VAMP7: variants seen among roughly 807,000 people sequenced by gnomAD.
VAMP7 encodes the protein vesicle associated membrane protein 7, also known as vesicle-associated membrane protein 7.
VAMP7 carries 14 observed loss-of-function variants against 29.6 expected under a neutral mutation model. That is an observed-to-expected ratio of 0.47 (90% CI 0.31 to 0.74). VAMP7 has a LOEUF of 0.74. Among genes scored for constraint, VAMP7 ranks in the 30% least tolerant of loss-of-function variants. The pLI is 0.05. For synonymous variants in VAMP7, 95 were observed against 88.1 expected, an observed-to-expected ratio of 1.08 and a Z score of -0.44; for missense variants, 223 against 262.4, an observed-to-expected ratio of 0.85 and a Z score of 1.04.
At chrX:155,925,442 C>G (rs1220641681) in intron 6 of VAMP7, among the ~76,000 whole-genome samples, 1 of 152,168 alleles carries the variant, frequency 6.6e-6, no homozygotes, top group Non-Finnish European at 1.5e-5. Flanking sequence ...TGAGACAGGT[C>G]TCAGTTGATT....
intron 3 of VAMP7, among the ~76,000 whole-genome samples, chrX:155,896,431 T>C (rs1398666903): frequency 1.3e-5 from 2 of 152,220 alleles, no homozygotes; most frequent in African/African-American, 4.8e-5. Flanking sequence ...CAATACATTA[T>C]GATCAGCTAT....
chrX:155,909,189 C>T (rs1361927335), intron 5 of VAMP7, among the ~76,000 whole-genome samples: 1 of 152,040 alleles, frequency 6.6e-6, no homozygotes, highest in Non-Finnish European at 1.5e-5. Context: ...TTTTTTATTT[C>T]TTCTTGAGTC....
intron 6 of VAMP7, among the ~76,000 whole-genome samples, chrX:155,933,391 G>A (rs1181697034): frequency 6.6e-6 from 1 of 152,076 alleles, no homozygotes; most frequent in Non-Finnish European, 1.5e-5. Context: ...GCCTGTTATT[G>A]GTCTATTCAG....
chrX:155,915,302 T>G (rs1299584080), intron 5 of VAMP7, among the ~76,000 whole-genome samples: 1 of 152,120 alleles, frequency 6.6e-6, no homozygotes, highest in African/African-American at 2.4e-5. Flanking sequence ...GTTAATCTTT[T>G]CAAAAAACCA....
chrX:155,935,565 A>G (rs969121208), intron 6 of VAMP7, among the ~76,000 whole-genome samples: 1 of 151,874 alleles, frequency 6.6e-6, no homozygotes, highest in African/African-American at 2.4e-5. Flanking sequence ...TCATTTAAGG[A>G]CTTGTCTACA....
intron 1 of VAMP7, among the ~76,000 whole-genome samples, chrX:155,886,861 C>T (rs748373494): frequency 1.3e-5 from 2 of 152,286 alleles, no homozygotes; most frequent in South Asian, 4.2e-4. Context: ...AACTTACAGT[C>T]CACTGAAACA....
intron 5 of VAMP7, among the ~76,000 whole-genome samples, chrX:155,902,925 A>G (rs1393224283): frequency 6.6e-6 from 1 of 151,272 alleles, no homozygotes; most frequent in Non-Finnish European, 1.5e-5. Flanking sequence ...TATTGATTGG[A>G]ATAGTTTCAG....
At position 155,905,753 on chromosome X, in the gene VAMP7, G is replaced by A. The variant is rs372203140; in HGVS notation, c.433+5166G>A. On this transcript the variant is annotated intron_variant, in intron 5 of 7. Transcript: ENST00000286448. The stretch of plus-strand genomic sequence containing the variant: ...GTTTCTGGACCTTCAGTTCTGTTCA[G>A]TTTATCTTTATGCCAGTACCAGGCT... 1.9e-3 allele frequency among the ~76,000 whole-genome samples: 287 copies of A among 152,222 alleles called. 2 individuals are homozygous for A. Among genetic ancestry groups the A allele is most frequent in the African/African-American group, 6.6e-3 (273 of 41,548 alleles).
intron 6 of VAMP7, among the ~76,000 whole-genome samples, chrX:155,934,298 G>T (rs1003883277): frequency 1.3e-5 from 2 of 152,044 alleles, no homozygotes; most frequent in Non-Finnish European, 2.9e-5. Flanking sequence ...TTGACAGTGG[G>T]GTGTTAAAGT....
At position 155,903,036 on chromosome X, in the gene VAMP7, A is replaced by T. The variant is rs908310926; in HGVS notation, c.433+2449A>T. On this transcript the variant is annotated intron_variant, in intron 5 of 7. Transcript: ENST00000286448. ...GGTTGGTAAGCTATTGATTATTGCC[A>T]CAATTTCAGAGCCTGTTATTGGTCT... Among the ~76,000 whole-genome samples, 4 of 151,856 alleles carry T rather than the reference A, an allele frequency of 2.6e-5. No individual in the cohort carries two copies. In the South Asian group the frequency reaches 8.3e-4, roughly 32 times the overall value.
chrX:155,924,003 T>A (rs1284144069), intron 6 of VAMP7, among the ~76,000 whole-genome samples: 3 of 152,166 alleles, frequency 2.0e-5, no homozygotes. Context: ...ACCTTGAGTA[T>A]ATGAAGTATA....
chrX:155,914,152 GCT>G (rs1175071108), intron 5 of VAMP7, among the ~76,000 whole-genome samples: 2 of 151,924 alleles, frequency 1.3e-5, no homozygotes, highest in African/African-American at 4.8e-5. Context: ...TCATGATTTG[GCT>G]CTCTGTTTGT....
Position 155,919,992 on chromosome X carries a change from C to G in VAMP7, c.501+112C>G, listed in dbSNP as rs770566804. ...TTCAAATATTTGGTGGTTTTTTTTT[C>G]TTTCTCATTTCCATTATGTGATTAC... is the stretch of plus-strand genomic sequence containing the variant. On this transcript the variant is annotated intron_variant, in intron 6 of 7. Transcript: ENST00000286448. The G allele has an allele frequency of 5.8e-6, 5 of 863,020 alleles. No individual in the cohort carries two copies. In the African/African-American group the frequency reaches 6.9e-5, roughly 12 times the overall value. The allele number at this position is 863,020 out of a possible 1,614,324, so 53.5% of individuals were successfully genotyped here.
At chrX:155,901,140 C>T (rs2066055849) in intron 5 of VAMP7, among the ~76,000 whole-genome samples, 1 of 151,956 alleles carries the variant, frequency 6.6e-6, no homozygotes, top group Non-Finnish European at 1.5e-5. Context: ...ACAGTAGTAA[C>T]CATACTGTTA....
chrX:155,932,952 T>G (rs988574906), intron 6 of VAMP7, among the ~76,000 whole-genome samples: 127 of 152,286 alleles, frequency 8.3e-4, no homozygotes, highest in Admixed American at 1.9e-3. Context: ...CTGCATCTAT[T>G]GAGATGATCG....
intron 5 of VAMP7, among the ~76,000 whole-genome samples, chrX:155,905,624 A>T (rs1159115954): frequency 2.6e-5 from 4 of 152,162 alleles, no homozygotes; most frequent in Non-Finnish European, 4.4e-5. Flanking sequence ...TTGAATATGT[A>T]TATACAGTTG....
chrX:155,882,607 T>C (rs1164219072), intron 1 of VAMP7, among the ~76,000 whole-genome samples: 3 of 152,198 alleles, frequency 2.0e-5, no homozygotes, highest in Non-Finnish European at 2.9e-5. Context: ...AGTTGGTTTA[T>C]TCCTTCTAAG....
At chrX:155,902,096 T>C (rs1157141052) in intron 5 of VAMP7, among the ~76,000 whole-genome samples, 1 of 152,192 alleles carries the variant, frequency 6.6e-6, no homozygotes, top group Non-Finnish European at 1.5e-5. Context: ...ACATCCCTTG[T>C]AAGTTGGATT....
intron 6 of VAMP7, among the ~76,000 whole-genome samples, 171 bp downstream of exon 6, chrX:155,920,051 A>G (rs1050292240): frequency 2.6e-5 from 4 of 152,212 alleles, no homozygotes; most frequent in African/African-American, 9.6e-5. Flanking sequence ...GAGGCATAGA[A>G]AAGAAACATC....
Sources: allele counts gnomAD v4.1 joint callset (sites outside exome capture counted in the v4.1 genomes callset), GRCh38; gene constraint gnomAD v4.1.1; transcripts MANE v1.5; gene names NCBI Gene and HGNC (gene_info 2026-07-23, HGNC 2026-07-21).